The following PKP4 variants were observed in gnomAD, a reference collection of about 807,000 sequenced individuals.
The protein encoded by PKP4 is plakophilin 4, also known as plakophilin-4.
A neutral mutation model predicts 145.1 loss-of-function variants in PKP4; 90 were observed. The observed-to-expected ratio is 0.62, with a 90% confidence interval of 0.52 to 0.74. The LOEUF (loss-of-function observed/expected upper bound fraction) is 0.74. PKP4 is among the 30% of genes least tolerant of loss of function. The pLI is 0.00. For missense variants in PKP4, 1,340 were observed against 1,482.7 expected (o/e 0.90, Z 1.58); for synonymous variants, 563 against 577.2 (o/e 0.98, Z 0.35).
intron 1 of PKP4, among the ~76,000 whole-genome samples, chr2:158,472,970 A>G (rs2105408274): frequency 6.6e-6 from 1 of 152,350 alleles, no homozygotes; most frequent in East Asian, 1.9e-4. Context: ...TACAAGAGAA[A>G]AACAACCCTA....
At chr2:158,548,707 T>C in intron 2 of PKP4, 1 of 235,326 alleles carries the variant, frequency 4.2e-6, no homozygotes, top group Non-Finnish European at 8.1e-6. Context: ...AAGCAGCTAC[T>C]CAGCTGCTTA....
chr2:158,565,162 TATAA>T (rs1450364571), intron 2 of PKP4, among the ~76,000 whole-genome samples: 1 of 152,124 alleles, frequency 6.6e-6, no homozygotes, highest in Non-Finnish European at 1.5e-5. Context: ...TTAGAGAAAA[TATAA>T]ATAGAGTGCC....
chr2:158,637,552 T>C (rs1347716495), intron 9 of PKP4, among the ~76,000 whole-genome samples: 2 of 152,210 alleles, frequency 1.3e-5, no homozygotes, highest in Non-Finnish European at 1.5e-5. Context: ...CTCAGCTCAC[T>C]AAATCCCTCA....
At position 158,661,451 on chromosome 2, in the gene PKP4, GT is replaced by G; in HGVS notation, c.2211+2del. On this transcript the variant is annotated splice_donor_variant, in intron 13 of 21. Transcript: ENST00000389759. LOFTEE classifies it high-confidence loss of function. ...GAACACATCCGATTACGACAGCAAG[GT>G]CAGTGCCGGCCTGGTTGCAGGAGGG... The G allele has an allele frequency of 6.3e-7, 1 of 1,594,952 alleles. No individual in the cohort carries two copies. Among genetic ancestry groups the G allele is most frequent in the Non-Finnish European group, 8.6e-7 (1 of 1,163,072 alleles).
chr2:158,645,420 G>A (rs947597225), intron 11 of PKP4, among the ~76,000 whole-genome samples: 2 of 152,208 alleles, frequency 1.3e-5, no homozygotes, highest in Non-Finnish European at 2.9e-5. Context: ...TACTGTTAGG[G>A]AGGCATAGAG....
At chr2:158,647,185 G>A (rs2054910844) in intron 11 of PKP4, among the ~76,000 whole-genome samples, 1 of 152,140 alleles carries the variant, frequency 6.6e-6, no homozygotes, top group African/African-American at 2.4e-5. Flanking sequence ...TTAGTGTTCT[G>A]CTAGTATCAT....
chr2:158,538,407 T>C (rs1244799012), intron 2 of PKP4, among the ~76,000 whole-genome samples: 1 of 152,204 alleles, frequency 6.6e-6, no homozygotes, highest in African/African-American at 2.4e-5. Flanking sequence ...TCTTTGCAAG[T>C]TGATTTCTGG....
At chr2:158,552,372 A>G (rs892039222) in intron 2 of PKP4, among the ~76,000 whole-genome samples, 5 of 152,234 alleles carry the variant, frequency 3.3e-5, no homozygotes, top group Admixed American at 6.5e-5. Flanking sequence ...GTGATTCGTT[A>G]TAGCAGCCAT....
At chr2:158,609,734 T>G (rs950274448) in intron 4 of PKP4, among the ~76,000 whole-genome samples, 1 of 152,210 alleles carries the variant, frequency 6.6e-6, no homozygotes, top group African/African-American at 2.4e-5. Context: ...TACTGCAGCA[T>G]CATTTTCTAA....
At chr2:158,676,400 T>G (rs2058011881) in intron 19 of PKP4, among the ~76,000 whole-genome samples, 2 of 152,206 alleles carry the variant, frequency 1.3e-5, no homozygotes, top group Non-Finnish European at 2.9e-5. Context: ...ATCACTCAGT[T>G]TCAAACGCCT....
chr2:158,648,253 C>T (rs565509812), intron 11 of PKP4, among the ~76,000 whole-genome samples: 1 of 152,224 alleles, frequency 6.6e-6, no homozygotes, highest in African/African-American at 2.4e-5. Context: ...GTTTGGATGC[C>T]AGCAATGGAT....
Position 158,680,430 on chromosome 2 carries a change from A to T in PKP4, c.3332A>T (p.His1111Leu), listed in dbSNP as rs1237651504. ...TTTGCCTTTTCATTTTGTCAACAGC[A>T]TCAACAGCTGTATTATAGTCAAGAT... is the stretch of plus-strand genomic sequence containing the variant. ...PAREQNRRLQ[H>L]QQLYYSQDDS... Residue 1111 changes from histidine to leucine, a missense_variant and splice_region_variant, in exon 22 of 22, where the codon CAT becomes CTT. By Grantham distance (99) the His-to-Leu change is moderately conservative (BLOSUM62 -3). Transcript: ENST00000389759. 2 of 1,585,044 alleles carry T rather than the reference A, an allele frequency of 1.3e-6. No homozygotes were observed. The highest frequency in any genetic ancestry group is 1.7e-6 in the Non-Finnish European group (2 of 1,166,104).
rs115252371 is a variant in PKP4, at chr2:158,549,069, G to A, written c.132+15753G>A. 1,400 of 184,082 alleles carry A rather than the reference G, an allele frequency of 7.6e-3. 21 individuals carry two copies. Among genetic ancestry groups the A allele is most frequent in the African/African-American group, 0.03 (1,287 of 42,722 alleles). The allele number at this position is 184,082 out of a possible 1,614,324, so 11.4% of individuals were successfully genotyped here. On this transcript the variant is annotated intron_variant, in intron 2 of 21. Transcript: ENST00000389759. ...TTAACTTGGAAGACAAAGGAGCTTCGGTTAGCTGGTGGAAACTATCAGGAC... is the reference window on the plus strand; with the variant it reads ...TTAACTTGGAAGACAAAGGAGCTTCAGTTAGCTGGTGGAAACTATCAGGAC...
intron 3 of PKP4, among the ~76,000 whole-genome samples, chr2:158,601,766 C>T (rs1391783298): frequency 6.6e-6 from 1 of 152,118 alleles, no homozygotes; most frequent in Non-Finnish European, 1.5e-5. Flanking sequence ...AAATCACACA[C>T]AAAATTGAAG....
intron 19 of PKP4, among the ~76,000 whole-genome samples, chr2:158,675,213 C>T (rs935255625): frequency 2.0e-5 from 3 of 152,248 alleles, no homozygotes; most frequent in East Asian, 1.9e-4. Context: ...TAGATTAGTA[C>T]GAGCTTGTCC....
chr2:158,632,313 A>G (rs879391445), intron 8 of PKP4, among the ~76,000 whole-genome samples: 1 of 152,242 alleles, frequency 6.6e-6, no homozygotes, highest in Non-Finnish European at 1.5e-5. Flanking sequence ...AAATCCATAC[A>G]TGAGTTACTT....
chr2:158,627,664 T>TATATATATATAC (rs1166438574), intron 7 of PKP4, among the ~76,000 whole-genome samples: 2 of 150,874 alleles, frequency 1.3e-5, no homozygotes, highest in East Asian at 3.9e-4. Context: ...TATATATATA[T>TATATATATATAC]ACTCTAAAAT....
At chr2:158,617,793 A>C (rs2105885095) in intron 4 of PKP4, among the ~76,000 whole-genome samples, 1 of 152,358 alleles carries the variant, frequency 6.6e-6, no homozygotes, top group African/African-American at 2.4e-5. Flanking sequence ...TTTGAAAACC[A>C]TTTAAATTTC....
intron 2 of PKP4, among the ~76,000 whole-genome samples, chr2:158,547,307 A>C (rs1271840500): frequency 1.3e-5 from 2 of 152,240 alleles, no homozygotes; most frequent in African/African-American, 4.8e-5. Context: ...TTAATAAATT[A>C]TATTCATAAC....
Sources: gnomAD v4.1 joint callset for allele counts (sites outside exome capture counted in the v4.1 genomes callset) on GRCh38, gnomAD v4.1.1 for gene constraint, MANE v1.5 for transcripts, NCBI Gene and HGNC (gene_info 2026-07-23, HGNC 2026-07-21) for gene names.